VPS26C: variants seen among roughly 807,000 people sequenced by gnomAD.
VPS26C encodes vacuolar protein sorting-associated protein 26C.
VPS26C carries 19 observed loss-of-function variants against 30.6 expected under a neutral mutation model. The ratio of observed to expected loss-of-function variants is 0.62; its 90% CI spans 0.43 to 0.91. The LOEUF is 0.91. Among genes scored for constraint, VPS26C ranks in the 40% least tolerant of loss-of-function variants. The probability of loss-of-function intolerance (pLI) is 0.00; values close to 1 mark genes in which losing one functional copy is unlikely to be tolerated. For missense variants in VPS26C, 318 were observed against 385.1 expected, an observed-to-expected ratio of 0.83 and a Z score of 1.46; for synonymous variants, 132 against 151.5, an observed-to-expected ratio of 0.87 and a Z score of 0.95.
At chr21:37,242,168 T>C (rs561250888) in intron 1 of VPS26C, among the ~76,000 whole-genome samples, 18 of 152,384 alleles carry the variant, frequency 1.2e-4, no homozygotes, top group Admixed American at 2.6e-4. Flanking sequence ...TAATGTTTAA[T>C]GTTTAATTTA....
intron 1 of VPS26C, among the ~76,000 whole-genome samples, chr21:37,254,628 T>A (rs1312285163): frequency 6.6e-6 from 1 of 152,064 alleles, no homozygotes; most frequent in Non-Finnish European, 1.5e-5. Flanking sequence ...CTGGCCAGCA[T>A]GATGAAACCC....
rs1173810097 is a variant in VPS26C at position 37,226,974 on chromosome 21, G to A, written c.811+680C>T. The A allele has an allele frequency of 1.3e-5, 2 of 152,210 alleles. No individual in the cohort carries two copies. The highest frequency in any genetic ancestry group is 2.4e-5 in the African/African-American group (1 of 41,444). The allele number at this position is 152,210 out of a possible 1,614,324, so 9.4% of individuals were successfully genotyped here. On this transcript the variant is annotated intron_variant, in intron 7 of 7. Coordinates refer to ENST00000309117, the MANE Select transcript of VPS26C (RefSeq NM_006052.2). This position sits in a 1 kb window ranked among gnomAD's most constrained non-coding sequence, Gnocchi z 4.1. ...GGTCCCATTACAATATTTATAGGAA[G>A]AGTTAAAAACATGGAAATGTTCATG...
At chr21:37,232,973 T>G (rs1271358316) in intron 4 of VPS26C, among the ~76,000 whole-genome samples, 1 of 152,150 alleles carries the variant, frequency 6.6e-6, no homozygotes, top group African/African-American at 2.4e-5. Flanking sequence ...AAAACAGCAG[T>G]AACAGTGATC....
intron 1 of VPS26C, 80 bp downstream of exon 1, chr21:37,267,158 C>T: frequency 2.4e-6 from 3 of 1,260,494 alleles, no homozygotes; most frequent in Admixed American, 2.0e-5. Flanking sequence ...GGACGCGGGA[C>T]GTGCGCAGAG....
intron 6 of VPS26C, among the ~76,000 whole-genome samples, 187 bp from the exon 7 acceptor site, chr21:37,227,993 G>A (rs770457696): frequency 7.9e-5 from 12 of 152,180 alleles, no homozygotes; most frequent in East Asian, 1.9e-4. Context: ...ACGTCCTCTC[G>A]TTTTTTAGAG....
intron 5 of VPS26C, among the ~76,000 whole-genome samples, chr21:37,232,127 G>A (rs2085971399): frequency 6.6e-6 from 1 of 152,202 alleles, no homozygotes; most frequent in Admixed American, 6.5e-5. Context: ...GTAAAACTGA[G>A]GGAAAATGGT....
intron 1 of VPS26C, among the ~76,000 whole-genome samples, chr21:37,254,493 T>A (rs554564787): frequency 2.0e-5 from 3 of 151,786 alleles, no homozygotes; most frequent in African/African-American, 7.3e-5. Context: ...CAAGACCCCA[T>A]CTCTAAAACA....
Position 37,233,575 on chromosome 21 carries a change from AACAT to A in VPS26C, c.352-137_352-134del. On this transcript the variant is annotated intron_variant, in intron 3 of 7. Transcript: ENST00000309117. This position sits in a 1 kb window ranked among gnomAD's most constrained non-coding sequence, Gnocchi z 5.2. Reference sequence around the variant, plus strand: ...TACAATCAGTGCATTATAGAAAATTAACATACATAATATAATACATAATAGGATA... The same window carrying A: ...TACAATCAGTGCATTATAGAAAATTAACATAATATAATACATAATAGGATA... 1 of 640,748 alleles carries A rather than the reference AACAT, an allele frequency of 1.6e-6. No homozygotes were observed. Among genetic ancestry groups the A allele is most frequent in the Non-Finnish European group, 2.8e-6 (1 of 353,810 alleles). 39.7% of individuals were successfully genotyped at this position (640,748 alleles called of 1,614,324 possible).
chr21:37,253,125 T>TA lies in VPS26C; in HGVS notation c.58-12487dup, dbSNP rs1377852559. 7.2e-5 allele frequency among the ~76,000 whole-genome samples: 11 copies of TA among 152,214 alleles called. 1 individual carries two copies. Among genetic ancestry groups the TA allele is most frequent in the South Asian group, 2.1e-4 (1 of 4,828 alleles). ...ATTCTAAAATTGATTAATGTTTAAGTAAAATCTACAAAAGTTAGTTCACTA... is the reference window on the plus strand; with the variant it reads ...ATTCTAAAATTGATTAATGTTTAAGTAAAAATCTACAAAAGTTAGTTCACTA... On this transcript the variant is annotated intron_variant, in intron 1 of 7. Transcript: ENST00000309117.
chr21:37,240,201 C>T (rs2086070680), intron 2 of VPS26C, among the ~76,000 whole-genome samples: 1 of 152,118 alleles, frequency 6.6e-6, no homozygotes, highest in African/African-American at 2.4e-5. Context: ...TAGCTCACTG[C>T]AGCCTTGAAT....
At chr21:37,254,215 T>C (rs906988141) in intron 1 of VPS26C, among the ~76,000 whole-genome samples, 1 of 152,234 alleles carries the variant, frequency 6.6e-6, no homozygotes, top group African/African-American at 2.4e-5. Flanking sequence ...AGTGAAATCA[T>C]GTATGAATCA....
At chr21:37,231,078 A>G (rs1318334860) in intron 5 of VPS26C, among the ~76,000 whole-genome samples, 1 of 152,198 alleles carries the variant, frequency 6.6e-6, no homozygotes, top group Non-Finnish European at 1.5e-5. Context: ...GGTGCTGAGG[A>G]CCAGGAGAAC....
intron 1 of VPS26C, among the ~76,000 whole-genome samples, chr21:37,256,562 TA>T (rs2086245750): frequency 6.6e-6 from 1 of 152,222 alleles, no homozygotes; most frequent in African/African-American, 2.4e-5. Flanking sequence ...ATTTGTAACT[TA>T]CCAGATGAAA....
intron 1 of VPS26C, among the ~76,000 whole-genome samples, chr21:37,262,439 T>A (rs1424700993): frequency 6.6e-6 from 1 of 152,242 alleles, no homozygotes; most frequent in Admixed American, 6.5e-5. Flanking sequence ...GATGCTCTTA[T>A]TTGAGCACTT....
intron 1 of VPS26C, among the ~76,000 whole-genome samples, chr21:37,249,989 G>A (rs2086175177): frequency 6.6e-6 from 1 of 152,156 alleles, no homozygotes; most frequent in Non-Finnish European, 1.5e-5. Flanking sequence ...CTGGGAAACT[G>A]GCCAGAGAAC....
Position 37,227,805 on chromosome 21 carries a change from C to A in VPS26C, c.660G>T (p.Gly220=), listed in dbSNP as rs146532887. 3.7e-6 allele frequency: 6 copies of A among 1,613,668 alleles called. No homozygotes were observed. In the African/African-American group the frequency reaches 5.3e-5, roughly 14 times the overall value. ...CGTCGCGGGCATAGCCTTCTGCACA[C>A]CCTGCGGGAGGGAGGCCACATCACG... ...ELQLVRVETC[G]CAEGYARDAT... Residue 220 remains glycine, a splice_region_variant and synonymous_variant, in exon 7 of 8, where the codon GGG becomes GGT. Transcript: ENST00000309117.
chr21:37,228,413 AG>A, intron 5 of VPS26C, 40 bp from the exon 6 acceptor site: 2 of 1,607,742 alleles, frequency 1.2e-6, no homozygotes, highest in East Asian at 2.2e-5. Flanking sequence ...AATGCAGGCA[AG>A]GGGGGAAAGT....
At chr21:37,243,673 C>G (rs1341937691) in intron 1 of VPS26C, among the ~76,000 whole-genome samples, 1 of 152,234 alleles carries the variant, frequency 6.6e-6, no homozygotes, top group African/African-American at 2.4e-5. Context: ...TCGAAACTAC[C>G]TGCTTTTGCC....
In VPS26C at chr21:37,255,735, G is replaced by A. The variant is rs74421899; in HGVS notation, c.57+11503C>T. 2.2e-3 allele frequency among the ~76,000 whole-genome samples: 330 copies of A among 152,180 alleles called. 2 individuals carry two copies. The highest frequency in any genetic ancestry group is 7.4e-3 in the African/African-American group (307 of 41,518). On this transcript the variant is annotated intron_variant, in intron 1 of 7. Transcript: ENST00000309117. ...CCCCAGCTGAGTAAATTCTCCAGGA[G>A]GAAAATGGCAGAAACTATCAAAGGA... is the stretch of plus-strand genomic sequence containing the variant.
Sources: allele counts gnomAD v4.1 joint callset (sites outside exome capture counted in the v4.1 genomes callset), GRCh38; gene constraint gnomAD v4.1.1; non-coding constraint Gnocchi (gnomAD v3.1); transcripts MANE v1.5; gene names NCBI Gene and HGNC (gene_info 2026-07-23, HGNC 2026-07-21).